XKR4: variants seen among roughly 807,000 people sequenced by gnomAD.
XKR4 encodes XK-related protein 4.
A neutral mutation model predicts 53.9 loss-of-function variants in XKR4; 12 were observed. The ratio of observed to expected loss-of-function variants is 0.22; its 90% CI spans 0.14 to 0.36. XKR4 has a LOEUF of 0.36. XKR4 is among the 10% of genes least tolerant of loss of function. XKR4 has a pLI of 1.00. For missense variants in XKR4, 799 were observed against 859.5 expected (o/e 0.93, Z 0.88); for synonymous variants, 354 against 362.4 (o/e 0.98, Z 0.26).
intron 2 of XKR4, among the ~76,000 whole-genome samples, chr8:55,508,077 A>T (rs2129404276): frequency 6.6e-6 from 1 of 152,246 alleles, no homozygotes; most frequent in African/African-American, 2.4e-5. Context: ...GTCTTGAGAA[A>T]TTACTGTTCT....
At chr8:55,125,984 G>A (rs7005257) in intron 1 of XKR4, among the ~76,000 whole-genome samples, 3,073 of 152,246 alleles carry the variant, frequency 0.02, 89 homozygotes, top group African/African-American at 0.069. Flanking sequence ...ACCTGGAGAG[G>A]TGGAGAATTT....
intron 1 of XKR4, among the ~76,000 whole-genome samples, chr8:55,339,918 T>C (rs953802015): frequency 9.9e-5 from 15 of 152,222 alleles, no homozygotes; most frequent in African/African-American, 3.6e-4. Flanking sequence ...ATGAAATCGG[T>C]TGGATTTTCC....
intron 2 of XKR4, among the ~76,000 whole-genome samples, chr8:55,366,408 A>G (rs1476650487): frequency 6.6e-6 from 1 of 152,234 alleles, no homozygotes; most frequent in African/African-American, 2.4e-5. Context: ...AGACAAAAGC[A>G]GGCGCTCTAG....
At chr8:55,138,298 G>T (rs1479219989) in intron 1 of XKR4, among the ~76,000 whole-genome samples, 1 of 152,098 alleles carries the variant, frequency 6.6e-6, no homozygotes, top group African/African-American at 2.4e-5. Flanking sequence ...CAAGGCTTTT[G>T]GATCATCTGT....
intron 2 of XKR4, among the ~76,000 whole-genome samples, chr8:55,391,756 TA>T (rs1804445898): frequency 6.6e-6 from 1 of 152,148 alleles, no homozygotes; most frequent in South Asian, 2.1e-4. Context: ...AATATTAAAA[TA>T]AGCATATGAA....
chr8:55,236,031 C>A (rs1387439253), intron 1 of XKR4, among the ~76,000 whole-genome samples: 2 of 152,162 alleles, frequency 1.3e-5, no homozygotes, highest in Non-Finnish European at 2.9e-5. Context: ...TTGTTCCAGG[C>A]CTGCTTGGCT....
Position 55,236,443 on chromosome 8 carries a change from T to C in XKR4, c.807-121235T>C, listed in dbSNP as rs149175281. ...TGCAATCCAGGTGAGGCTGAGACCT[T>C]TCCAAATGCAGGTGTGAAGGGAATC... On this transcript the variant is annotated intron_variant, in intron 1 of 2. Transcript: ENST00000327381. Among the ~76,000 whole-genome samples the C allele has an allele frequency of 4.7e-4, 71 of 152,222 alleles. 1 individual carries two copies. The highest frequency in any genetic ancestry group is 6.8e-3 in the Middle Eastern group (2 of 294).
intron 2 of XKR4, among the ~76,000 whole-genome samples, chr8:55,484,848 C>G (rs529718005): frequency 2.6e-5 from 4 of 152,244 alleles, no homozygotes; most frequent in Non-Finnish European, 5.9e-5. Context: ...TGTCTTCAGA[C>G]TTGGACTTGG....
At chr8:55,346,816 C>T (rs1803653231) in intron 1 of XKR4, among the ~76,000 whole-genome samples, 1 of 151,866 alleles carries the variant, frequency 6.6e-6, no homozygotes, top group Non-Finnish European at 1.5e-5. Context: ...ATCTTCTGCA[C>T]AGATTTCACT....
intron 1 of XKR4, among the ~76,000 whole-genome samples, chr8:55,303,584 C>T (rs1198179625): frequency 4.6e-5 from 7 of 152,178 alleles, no homozygotes; most frequent in African/African-American, 1.4e-4. Context: ...ACCAGCTCCT[C>T]GTTGTACCTC....
chr8:55,265,670 G>A lies in XKR4; in HGVS notation c.807-92008G>A, dbSNP rs538740663. On this transcript the variant is annotated intron_variant, in intron 1 of 2. Coordinates refer to ENST00000327381, the MANE Select transcript of XKR4 (RefSeq NM_052898.2). ...GGAGCCTAGGAGCCTGGGAAAAATA[G>A]CAAGACCCTGTCTCTATAAAAATTC... Among the ~76,000 whole-genome samples, 7 of 152,186 alleles carry A rather than the reference G, an allele frequency of 4.6e-5. No individual in the cohort carries two copies. In the East Asian group the frequency reaches 1.4e-3, roughly 29 times the overall value.
chr8:55,322,800 T>G (rs193242741), intron 1 of XKR4, among the ~76,000 whole-genome samples: 317 of 152,344 alleles, frequency 2.1e-3, no homozygotes, highest in Non-Finnish European at 3.6e-3. Flanking sequence ...GTCATTTATC[T>G]TCTATTCTTT....
At chr8:55,430,508 T>G (rs1003610822) in intron 2 of XKR4, among the ~76,000 whole-genome samples, 3 of 152,056 alleles carry the variant, frequency 2.0e-5, no homozygotes, top group Non-Finnish European at 4.4e-5. Flanking sequence ...TGCCAGAGGG[T>G]AAATATGGGG....
intron 1 of XKR4, among the ~76,000 whole-genome samples, chr8:55,159,324 G>A (rs191612074): frequency 1.1e-4 from 16 of 152,190 alleles, no homozygotes; most frequent in African/African-American, 3.1e-4. Context: ...GGGATATGTC[G>A]ATGAACAAAG....
chr8:55,528,386 A>G lies in XKR4; in HGVS notation c.*4159A>G, dbSNP rs1806905395. On this transcript the variant is annotated 3_prime_UTR_variant, in exon 3 of 3. Transcript: ENST00000327381. ...CTTCTGTCCTTACCAGGATTGTGTA[A>G]GGTTACACATTTGCTTTTAAATATA... 1 of 152,242 alleles carries G rather than the reference A, an allele frequency of 6.6e-6. No homozygotes were observed. The highest frequency in any genetic ancestry group is 2.4e-5 in the African/African-American group (1 of 41,472). 9.4% of individuals were successfully genotyped at this position (152,242 alleles called of 1,614,324 possible).
At chr8:55,312,468 C>G (rs552987028) in intron 1 of XKR4, among the ~76,000 whole-genome samples, 2 of 152,278 alleles carry the variant, frequency 1.3e-5, no homozygotes, top group African/African-American at 4.8e-5. Flanking sequence ...AAACCCCACA[C>G]TATGGTTATT....
chr8:55,273,723 C>T (rs952064125), intron 1 of XKR4, among the ~76,000 whole-genome samples: 1 of 152,232 alleles, frequency 6.6e-6, no homozygotes, highest in Non-Finnish European at 1.5e-5. Context: ...ACTCCTGGCT[C>T]ACTGGCCTCC....
intron 1 of XKR4, among the ~76,000 whole-genome samples, chr8:55,154,011 G>A (rs1020110181): frequency 3.3e-5 from 5 of 152,140 alleles, no homozygotes; most frequent in Non-Finnish European, 7.4e-5. Context: ...TTCCTACACA[G>A]TTTCTATTGA....
At chr8:55,122,776 C>T (rs1816409775) in intron 1 of XKR4, among the ~76,000 whole-genome samples, 1 of 151,444 alleles carries the variant, frequency 6.6e-6, no homozygotes, top group African/African-American at 2.4e-5. Context: ...AATGCTGTGA[C>T]TTGCAGCAAA....
Sources: allele counts gnomAD v4.1 joint callset (sites outside exome capture counted in the v4.1 genomes callset), GRCh38; gene constraint gnomAD v4.1.1; transcripts MANE v1.5; gene names NCBI Gene and HGNC (gene_info 2026-07-23, HGNC 2026-07-21).